Variants in STX8 observed in about 807,000 individuals in gnomAD.
The protein encoded by STX8 is syntaxin-8.
STX8 carries 23 observed loss-of-function variants against 37.5 expected under a neutral mutation model. That is an observed-to-expected ratio of 0.61 (90% CI 0.44 to 0.87). The LOEUF (loss-of-function observed/expected upper bound fraction) is 0.87. Ranked by LOEUF, STX8 falls within the 40% of genes least tolerant of loss-of-function variation. STX8 has a pLI of 0.00. For synonymous variants in STX8, 115 were observed against 99.1 expected (o/e 1.16, Z -0.95); for missense variants, 313 against 284.7 (o/e 1.10, Z -0.71).
chr17:9,330,451 A>G lies in STX8; in HGVS notation c.643+48101T>C, dbSNP rs988585462. Among the ~76,000 whole-genome samples, 4 of 152,202 alleles carry G rather than the reference A, an allele frequency of 2.6e-5. No individual in the cohort carries two copies. In the South Asian group the frequency reaches 8.3e-4, roughly 31 times the overall value. ...ACCCCCCAACCCGGTCTACACACAA[A>G]GCCTCCGAGGATGCTGGTTACCCTG... On this transcript the variant is annotated intron_variant, in intron 7 of 7. Transcript: ENST00000306357.
chr17:9,387,582 C>T (rs773708945), intron 6 of STX8, among the ~76,000 whole-genome samples: 8 of 152,156 alleles, frequency 5.3e-5, no homozygotes, highest in Non-Finnish European at 1.0e-4. Flanking sequence ...CGTGAGCCAC[C>T]ACGCCTGGCC....
intron 6 of STX8, among the ~76,000 whole-genome samples, chr17:9,398,493 ATAT>A (rs1912487654): frequency 6.6e-6 from 1 of 152,226 alleles, no homozygotes; most frequent in Non-Finnish European, 1.5e-5. Context: ...GAGCAACTAA[ATAT>A]AATGCCGTAT....
intron 6 of STX8, among the ~76,000 whole-genome samples, chr17:9,467,727 TC>T (rs1905677353): frequency 6.6e-6 from 1 of 152,186 alleles, no homozygotes; most frequent in Non-Finnish European, 1.5e-5. Flanking sequence ...CCGGAGTGGC[TC>T]GGGGCATGGA....
At chr17:9,323,948 A>G (rs1319755000) in intron 7 of STX8, among the ~76,000 whole-genome samples, 1 of 152,118 alleles carries the variant, frequency 6.6e-6, no homozygotes, top group African/African-American at 2.4e-5. Flanking sequence ...TGCTGGGGGA[A>G]TGGGACACAG....
intron 4 of STX8, among the ~76,000 whole-genome samples, chr17:9,541,026 C>A (rs759733845): frequency 1.3e-5 from 2 of 152,132 alleles, no homozygotes; most frequent in South Asian, 4.1e-4. Flanking sequence ...GAAGGCAGTC[C>A]CAGTGGCAGG....
chr17:9,420,519 A>G (rs1443979446), intron 6 of STX8, among the ~76,000 whole-genome samples: 1 of 148,458 alleles, frequency 6.7e-6, no homozygotes, highest in East Asian at 2.0e-4. Context: ...CCGCATCTTC[A>G]CCTTCTCGGT....
intron 7 of STX8, among the ~76,000 whole-genome samples, chr17:9,301,631 T>C (rs188200614): frequency 0.018 from 2,661 of 151,334 alleles, 60 homozygotes; most frequent in African/African-American, 0.059. Context: ...TACAGGCGCC[T>C]GCCACTATGT....
intron 6 of STX8, among the ~76,000 whole-genome samples, chr17:9,400,668 G>T (rs890090268): frequency 6.6e-6 from 1 of 152,352 alleles, no homozygotes; most frequent in South Asian, 2.1e-4. Context: ...GCCTCCCAAA[G>T]TGCTGGGATT....
At chr17:9,350,115 T>C (rs998776592) in intron 7 of STX8, among the ~76,000 whole-genome samples, 5 of 152,196 alleles carry the variant, frequency 3.3e-5, no homozygotes, top group African/African-American at 1.2e-4. Context: ...CGAGTAATCC[T>C]GAATCACTGA....
intron 7 of STX8, among the ~76,000 whole-genome samples, chr17:9,275,750 C>T (rs1907652952): frequency 3.3e-5 from 5 of 151,940 alleles, no homozygotes; most frequent in Admixed American, 3.3e-4. Flanking sequence ...TGCCTGTAAT[C>T]CCAGCTACTC....
chr17:9,340,691 CTT>C (rs1910322496), intron 7 of STX8, among the ~76,000 whole-genome samples: 2 of 67,952 alleles, frequency 2.9e-5, no homozygotes, highest in Non-Finnish European at 5.2e-5. Context: ...GAGTTTTGCT[CTT>C]GTTGCCCAGG....
chr17:9,524,364 G>A (rs1225833403), intron 4 of STX8, among the ~76,000 whole-genome samples: 1 of 152,202 alleles, frequency 6.6e-6, no homozygotes, highest in Non-Finnish European at 1.5e-5. Flanking sequence ...CAGATACGGT[G>A]TCTGGTGAGG....
chr17:9,391,318 G>A (rs1912211967), intron 6 of STX8, among the ~76,000 whole-genome samples: 2 of 152,058 alleles, frequency 1.3e-5, no homozygotes, highest in Non-Finnish European at 2.9e-5. Flanking sequence ...CAGACATGGT[G>A]GTGCATGCCT....
intron 6 of STX8, among the ~76,000 whole-genome samples, chr17:9,411,618 T>C (rs1912981484): frequency 6.6e-6 from 1 of 152,208 alleles, no homozygotes; most frequent in African/African-American, 2.4e-5. Flanking sequence ...TAGTCCGGGA[T>C]AATCAATGTT....
intron 7 of STX8, among the ~76,000 whole-genome samples, chr17:9,304,234 G>C (rs1908879666): frequency 6.6e-6 from 1 of 152,022 alleles, no homozygotes; most frequent in Non-Finnish European, 1.5e-5. Flanking sequence ...GAGTAGCCGG[G>C]TGCTGTGGCT....
chr17:9,280,082 G>A (rs897987151), intron 7 of STX8, among the ~76,000 whole-genome samples: 3 of 152,154 alleles, frequency 2.0e-5, no homozygotes, highest in Non-Finnish European at 2.9e-5. Flanking sequence ...TCAGCCAGGC[G>A]TGGTGGTGCA....
chr17:9,421,412 A>AATT (rs1555525650), intron 6 of STX8, among the ~76,000 whole-genome samples: 15 of 65,184 alleles, frequency 2.3e-4, no homozygotes, highest in Non-Finnish European at 3.1e-4. Flanking sequence ...AAAAAAAAAA[A>AATT]TTTTTTTTTT....
rs146781972 is a variant in STX8, at chr17:9,481,315, C to T, written c.541+10514G>A. Among the ~76,000 whole-genome samples, 239 of 152,324 alleles carry T rather than the reference C, an allele frequency of 1.6e-3. 2 individuals are homozygous for T. Among genetic ancestry groups the T allele is most frequent in the African/African-American group, 5.5e-3 (230 of 41,572 alleles). On this transcript the variant is annotated intron_variant, in intron 6 of 7. Coordinates refer to ENST00000306357, the MANE Select transcript of STX8 (RefSeq NM_004853.3). ...GTGGATGAGCGTGTCTTCCTGCTCACGTTCCACCTGCCAAAGAGTAACAGG... is the reference window on the plus strand; with the variant it reads ...GTGGATGAGCGTGTCTTCCTGCTCATGTTCCACCTGCCAAAGAGTAACAGG...
intron 1 of STX8, among the ~76,000 whole-genome samples, chr17:9,574,772 G>T (rs374181446): frequency 6.6e-6 from 1 of 152,200 alleles, no homozygotes; most frequent in African/African-American, 2.4e-5. Flanking sequence ...GACCTCAGGT[G>T]ATCTGCCTGC....
Sources: allele counts gnomAD v4.1 joint callset (sites outside exome capture counted in the v4.1 genomes callset), GRCh38; gene constraint gnomAD v4.1.1; transcripts MANE v1.5; gene names NCBI Gene and HGNC (gene_info 2026-07-23, HGNC 2026-07-21).